The following SUPT3H variants were observed in gnomAD, a reference collection of about 807,000 sequenced individuals.
The protein encoded by SUPT3H is transcription initiation protein SPT3 homolog.
Under a neutral mutation model 44.3 loss-of-function variants are expected in SUPT3H, and 44 were observed. That is an observed-to-expected ratio of 0.99 (90% CI 0.78 to 1.28). The LOEUF (loss-of-function observed/expected upper bound fraction) is 1.28. Ranked by LOEUF, SUPT3H falls within the 50% of genes most tolerant of loss-of-function variation. The probability of loss-of-function intolerance (pLI) is 0.00; values close to 1 mark genes in which losing one functional copy is unlikely to be tolerated. For missense variants in SUPT3H, 380 were observed against 387.1 expected, an observed-to-expected ratio of 0.98 and a Z score of 0.15; for synonymous variants, 124 against 125.6, an observed-to-expected ratio of 0.99 and a Z score of 0.09.
chr6:45,119,948 T>C (rs1314224184), intron 2 of SUPT3H, among the ~76,000 whole-genome samples: 4 of 152,100 alleles, frequency 2.6e-5, no homozygotes, highest in Admixed American at 2.6e-4. Context: ...TATGACAAAA[T>C]GACAATGAGT....
At chr6:45,366,474 A>C (rs976197296) in intron 1 of SUPT3H, among the ~76,000 whole-genome samples, 3 of 152,190 alleles carry the variant, frequency 2.0e-5, no homozygotes, top group Non-Finnish European at 4.4e-5. Context: ...ATACACAATA[A>C]ATGTTAGCTA....
chr6:44,968,241 C>CT (rs1777051911), intron 6 of SUPT3H, among the ~76,000 whole-genome samples: 1 of 152,116 alleles, frequency 6.6e-6, no homozygotes, highest in South Asian at 2.1e-4. Flanking sequence ...GGTTGTTGAA[C>CT]TTGAAAACTT....
At chr6:45,287,917 T>C (rs1258840542) in intron 2 of SUPT3H, among the ~76,000 whole-genome samples, 3 of 152,202 alleles carry the variant, frequency 2.0e-5, no homozygotes, top group East Asian at 1.9e-4. Context: ...TTGTAACTTT[T>C]TGAAAATGAG....
At chr6:44,896,272 T>G (rs1429011209) in intron 10 of SUPT3H, among the ~76,000 whole-genome samples, 1 of 152,150 alleles carries the variant, frequency 6.6e-6, no homozygotes, top group East Asian at 1.9e-4. Context: ...CTTAAGTAAC[T>G]GTCATGAATT....
At chr6:44,921,122 C>T (rs1457910148) in intron 10 of SUPT3H, among the ~76,000 whole-genome samples, 4 of 152,162 alleles carry the variant, frequency 2.6e-5, no homozygotes, top group Non-Finnish European at 5.9e-5. Flanking sequence ...CCATACCTCC[C>T]TCCCAATATA....
intron 2 of SUPT3H, among the ~76,000 whole-genome samples, chr6:45,343,274 C>T (rs1581736496): frequency 6.6e-6 from 1 of 152,068 alleles, no homozygotes; most frequent in East Asian, 1.9e-4. Flanking sequence ...CTTTGGGAGG[C>T]CGAGGCGGGC....
chr6:45,177,540 C>T (rs2153611063), intron 2 of SUPT3H, among the ~76,000 whole-genome samples: 1 of 152,098 alleles, frequency 6.6e-6, no homozygotes, highest in Non-Finnish European at 1.5e-5. Context: ...CAAGGCAGGC[C>T]AACATTCAGA....
chr6:44,870,322 C>T (rs1030946471), intron 10 of SUPT3H, among the ~76,000 whole-genome samples: 5 of 152,088 alleles, frequency 3.3e-5, no homozygotes, highest in African/African-American at 4.8e-5. Flanking sequence ...GTCGGCCAGG[C>T]GTGGTGGTTC....
At chr6:45,029,765 T>TA (rs893513272) in intron 3 of SUPT3H, among the ~76,000 whole-genome samples, 1 of 152,208 alleles carries the variant, frequency 6.6e-6, no homozygotes, top group Non-Finnish European at 1.5e-5. Flanking sequence ...ATAACTGTTT[T>TA]AAAATTTTTC....
intron 3 of SUPT3H, among the ~76,000 whole-genome samples, chr6:45,103,789 T>C (rs911696184): frequency 1.3e-5 from 2 of 152,064 alleles, no homozygotes; most frequent in South Asian, 2.1e-4. Flanking sequence ...CTCCTAGAGA[T>C]AGCAAACTAC....
chr6:45,068,466 A>G (rs190991740), intron 3 of SUPT3H, among the ~76,000 whole-genome samples: 3,371 of 151,634 alleles, frequency 0.022, 129 homozygotes, highest in African/African-American at 0.077. Context: ...AGTATAATAA[A>G]AAAATAAAAA....
chr6:45,096,433 T>C (rs573478381), intron 3 of SUPT3H, among the ~76,000 whole-genome samples: 259 of 152,254 alleles, frequency 1.7e-3, no homozygotes, highest in Non-Finnish European at 1.3e-3. Context: ...GTACATAAAC[T>C]TCAGGGAAAA....
At chr6:44,953,485 C>T in intron 8 of SUPT3H, 68 bp from the exon 9 acceptor site, 1 of 1,250,046 alleles carries the variant, frequency 8.0e-7, no homozygotes, top group Non-Finnish European at 1.2e-6. Context: ...AGTGGCAAAC[C>T]TAAAAGCAAT....
At chr6:44,960,264 G>T (rs1775818568) in intron 7 of SUPT3H, among the ~76,000 whole-genome samples, 1 of 151,364 alleles carries the variant, frequency 6.6e-6, no homozygotes, top group Admixed American at 6.6e-5. Flanking sequence ...AAAATTAGCT[G>T]GGTGTGGTGG....
intron 3 of SUPT3H, among the ~76,000 whole-genome samples, chr6:45,077,444 T>C (rs563346023): frequency 4.0e-5 from 6 of 151,564 alleles, no homozygotes; most frequent in African/African-American, 1.5e-4. Context: ...CTGGGCAACA[T>C]AGTGAAACCC....
chr6:44,842,943 C>T (rs952174712), intron 10 of SUPT3H, among the ~76,000 whole-genome samples: 2 of 151,980 alleles, frequency 1.3e-5, no homozygotes, highest in African/African-American at 2.4e-5. Context: ...TGAAAAGAAA[C>T]ATACTGTTAC....
chr6:44,995,597 C>A (rs1781167954), intron 6 of SUPT3H, among the ~76,000 whole-genome samples: 1 of 152,056 alleles, frequency 6.6e-6, no homozygotes, highest in African/African-American at 2.4e-5. Flanking sequence ...TCTTTTTGCA[C>A]AACATGCATT....
At chr6:45,157,856 T>C (rs1231163058) in intron 2 of SUPT3H, among the ~76,000 whole-genome samples, 1 of 151,604 alleles carries the variant, frequency 6.6e-6, no homozygotes, top group African/African-American at 2.4e-5. Context: ...AGCATTATAT[T>C]TTTAAAAAGC....
At chr6:45,181,352 C>G (rs1362728301) in intron 2 of SUPT3H, among the ~76,000 whole-genome samples, 2 of 151,544 alleles carry the variant, frequency 1.3e-5, no homozygotes, top group African/African-American at 4.9e-5. Context: ...TTGACCCAGC[C>G]ATCCCATTAC....
Sources: allele counts gnomAD v4.1 joint callset (sites outside exome capture counted in the v4.1 genomes callset), GRCh38; gene constraint gnomAD v4.1.1; transcripts MANE v1.5; gene names NCBI Gene and HGNC (gene_info 2026-07-23, HGNC 2026-07-21).